The following ACYP1 variants were observed in gnomAD, a reference collection of about 807,000 sequenced individuals.
ACYP1 encodes the protein acylphosphatase-1.
Under a neutral mutation model 10.4 loss-of-function variants are expected in ACYP1, and 8 were observed. That is an observed-to-expected ratio of 0.77 (90% CI 0.45 to 1.38). The LOEUF is 1.38. Among genes scored for constraint, ACYP1 ranks in the 40% most tolerant of loss-of-function variants. The pLI is 0.00. For missense variants in ACYP1, 93 were observed against 117.3 expected, an observed-to-expected ratio of 0.79 and a Z score of 0.96; for synonymous variants, 38 against 40.8, an observed-to-expected ratio of 0.93 and a Z score of 0.26.
chr14:75,062,481 A>G (rs1174342415), intron 2 of ACYP1, among the ~76,000 whole-genome samples: 1 of 151,928 alleles, frequency 6.6e-6, no homozygotes, highest in Non-Finnish European at 1.5e-5. Context: ...TAGAATTTGA[A>G]TTTTAAGTAC....
chr14:75,055,606 T>C (rs1468240227), intron 2 of ACYP1, among the ~76,000 whole-genome samples: 2 of 151,588 alleles, frequency 1.3e-5, no homozygotes, highest in African/African-American at 4.9e-5. Flanking sequence ...CTCATAACCA[T>C]ATTTTTGCTT....
rs764177474 is a variant in ACYP1 at position 75,055,231 on chromosome 14, C to T, written c.85-1572G>A. Among the ~76,000 whole-genome samples, 21 of 150,910 alleles carry T rather than the reference C, an allele frequency of 1.4e-4. 1 individual carries two copies. The highest frequency in any genetic ancestry group is 3.9e-4 in the African/African-American group (16 of 40,606). On this transcript the variant is annotated intron_variant, in intron 2 of 2. Coordinates refer to ENST00000238618, the MANE Select transcript of ACYP1 (RefSeq NM_001107.5). ...CCTCCCCAGTAGCTGGGACCACAGG[C>T]GCCCGCAACCACTCCCGGCTAATTT...
At chr14:75,063,647 T>C in intron 1 of ACYP1, 86 bp from the exon 2 acceptor site, 1 of 1,085,556 alleles carries the variant, frequency 9.2e-7, no homozygotes. Flanking sequence ...CACCCACCCC[T>C]GTCCATCCTT....
upstream of ACYP1, among the ~76,000 whole-genome samples, chr14:75,068,712 T>TA (rs759409132): frequency 9.5e-3 from 1,315 of 138,326 alleles, 7 homozygotes; most frequent in Non-Finnish European, 0.014. Flanking sequence ...AACGAGGAAT[T>TA]AAAAAAAAAA....
At chr14:75,067,700 A>C (rs1214196909), upstream of ACYP1, among the ~76,000 whole-genome samples, 1 of 152,192 alleles carries the variant, frequency 6.6e-6, no homozygotes, top group Non-Finnish European at 1.5e-5. Context: ...CTTGAAGTTA[A>C]CAAGATGCAG....
Position 75,053,636 on chromosome 14 carries a change from C to G in ACYP1, c.108G>C (p.Leu36Phe), listed in dbSNP as rs1204875142. The G allele has an allele frequency of 6.2e-7, 1 of 1,614,142 alleles. No individual in the cohort carries two copies. Among genetic ancestry groups the G allele is most frequent in the South Asian group, 1.1e-5 (1 of 91,082 alleles). ...GGTCAGTGTTCTGGACCCAGCCTAC[C>G]AATCCCAGCTTTTTACCCTCAGCCT... Reference protein sequence around the residue: ...HTQAEGKKLGLVGWVQNTDRG... With the variant: ...HTQAEGKKLGFVGWVQNTDRG... Residue 36 changes from leucine to phenylalanine, a missense_variant, in exon 3 of 3, where the codon TTG becomes TTC. Leu to Phe is a conservative substitution (Grantham distance 22, BLOSUM62 0). Coordinates refer to ENST00000238618, the MANE Select transcript of ACYP1 (RefSeq NM_001107.5).
upstream of ACYP1, among the ~76,000 whole-genome samples, chr14:75,066,025 G>A (rs184430627): frequency 1.3e-5 from 2 of 152,314 alleles, no homozygotes; most frequent in East Asian, 3.9e-4. Context: ...GATCTTTGGG[G>A]AAGCTTTAAA....
chr14:75,066,837 G>C (rs535585032), upstream of ACYP1, among the ~76,000 whole-genome samples: 1 of 152,238 alleles, frequency 6.6e-6, no homozygotes, highest in East Asian at 1.9e-4. Context: ...GGATGACAGA[G>C]CAAGACTGTC....
At chr14:75,056,106 G>T (rs1343570112) in intron 2 of ACYP1, among the ~76,000 whole-genome samples, 1 of 151,306 alleles carries the variant, frequency 6.6e-6, no homozygotes, top group Non-Finnish European at 1.5e-5. Flanking sequence ...CCTATACCAA[G>T]AGATGGAATT....
intron 1 of ACYP1, chr14:75,069,124 G>C (rs558709418): frequency 1.5e-6 from 2 of 1,296,700 alleles, no homozygotes; most frequent in African/African-American, 3.1e-5. Flanking sequence ...AAACTACCAC[G>C]GAAAGATACT....
At chr14:75,060,618 G>A (rs759995074) in intron 2 of ACYP1, among the ~76,000 whole-genome samples, 3 of 152,136 alleles carry the variant, frequency 2.0e-5, no homozygotes, top group Non-Finnish European at 4.4e-5. Context: ...TAAATGAAAT[G>A]TGGTATATCC....
chr14:75,069,323 G>T, exon 1 of ACYP1: 1 of 1,412,532 alleles, frequency 7.1e-7, no homozygotes, highest in Non-Finnish European at 9.1e-7. Flanking sequence ...GGCACAGCCA[G>T]GGCCTCCGCC....
At position 75,063,518 on chromosome 14, in the gene ACYP1, A is replaced by G. The variant is rs765985065; in HGVS notation, c.36T>C (p.Tyr12=). 3 of 1,613,896 alleles carry G rather than the reference A, an allele frequency of 1.9e-6. No individual in the cohort carries two copies. Among genetic ancestry groups the G allele is most frequent in the South Asian group, 2.2e-5 (2 of 91,028 alleles). Residue 12 remains tyrosine (Y), a synonymous_variant, in exon 2 of 3, where the codon TAT becomes TAC. Coordinates refer to ENST00000238618, the MANE Select transcript of ACYP1 (RefSeq NM_001107.5). ...AEGNTLISVD[Y]EIFGKVQGVF... ...CCCCTTGCACCTTCCCAAAAATTTC[A>G]TAATCCACTGATATCAGGGTGTTTC...
chr14:75,065,601 T>A (rs750487397), upstream of ACYP1, among the ~76,000 whole-genome samples: 2 of 152,214 alleles, frequency 1.3e-5, no homozygotes, highest in Non-Finnish European at 2.9e-5. Flanking sequence ...ATGAATGATA[T>A]AAAATCTTTG....
At chr14:75,068,672 G>C (rs1594799850), upstream of ACYP1, among the ~76,000 whole-genome samples, 2 of 151,820 alleles carry the variant, frequency 1.3e-5, no homozygotes, top group African/African-American at 4.8e-5. Flanking sequence ...CTGCATATAC[G>C]GAGAGGCGGT....
intron 2 of ACYP1, among the ~76,000 whole-genome samples, chr14:75,055,147 C>T (rs1401059445): frequency 8.0e-6 from 1 of 124,298 alleles, no homozygotes; most frequent in East Asian, 2.5e-4. Flanking sequence ...AGTGCAGTGG[C>T]GTGATCTCAG....
chr14:75,054,322 A>G (rs1370666499), intron 2 of ACYP1, among the ~76,000 whole-genome samples: 1 of 146,298 alleles, frequency 6.8e-6, no homozygotes, highest in East Asian at 2.0e-4. Context: ...CTACATAACT[A>G]TCAGGTTTTC....
At chr14:75,061,016 G>A (rs1488804253) in intron 2 of ACYP1, among the ~76,000 whole-genome samples, 3 of 152,108 alleles carry the variant, frequency 2.0e-5, no homozygotes, top group African/African-American at 7.2e-5. Context: ...GCAGTGAGCC[G>A]AGATCACGCC....
At chr14:75,053,808 G>T (rs1892809166) in intron 2 of ACYP1, 149 bp from the exon 3 acceptor site, 3 of 686,726 alleles carry the variant, frequency 4.4e-6, no homozygotes, top group African/African-American at 1.8e-5. Flanking sequence ...CAGCAAGAAG[G>T]ATCTCATTGC....
Sources: gnomAD v4.1 joint callset for allele counts (sites outside exome capture counted in the v4.1 genomes callset) on GRCh38, gnomAD v4.1.1 for gene constraint, MANE v1.5 for transcripts, NCBI Gene and HGNC (gene_info 2026-07-23, HGNC 2026-07-21) for gene names.